ADGRL2: variants seen among roughly 807,000 people sequenced by gnomAD.
ADGRL2 encodes the protein calcium-independent alpha-latrotoxin receptor 2.
ADGRL2 carries 44 observed loss-of-function variants against 157.4 expected under a neutral mutation model. The ratio of observed to expected loss-of-function variants is 0.28; its 90% CI spans 0.22 to 0.36. The LOEUF is 0.36. Among genes scored for constraint, ADGRL2 ranks in the 10% least tolerant of loss-of-function variants. The probability of loss-of-function intolerance (pLI) is 1.00; values close to 1 mark genes in which losing one functional copy is unlikely to be tolerated. For synonymous variants in ADGRL2, 585 were observed against 624.7 expected, an observed-to-expected ratio of 0.94 and a Z score of 0.95; for missense variants, 1,510 against 1,768.9, an observed-to-expected ratio of 0.85 and a Z score of 2.63.
chr1:81,890,272 A>G (rs1240596445), intron 2 of ADGRL2, among the ~76,000 whole-genome samples: 1 of 152,228 alleles, frequency 6.6e-6, no homozygotes, highest in Non-Finnish European at 1.5e-5. Flanking sequence ...ACCAGATTTT[A>G]TATAGTGAAT....
intron 1 of ADGRL2, among the ~76,000 whole-genome samples, chr1:81,394,336 C>T (rs1006956997): frequency 5.3e-5 from 8 of 152,068 alleles, no homozygotes; most frequent in South Asian, 2.1e-4. Flanking sequence ...ATTTTGCCTC[C>T]ATTAAACAAA....
intron 1 of ADGRL2, among the ~76,000 whole-genome samples, chr1:81,318,494 C>T (rs1387230066): frequency 1.3e-5 from 2 of 152,116 alleles, no homozygotes; most frequent in African/African-American, 4.8e-5. Context: ...TAATAGCAAT[C>T]TTACATGGTT....
At chr1:81,605,037 T>A (rs2081405726) in intron 3 of ADGRL2, among the ~76,000 whole-genome samples, 1 of 152,118 alleles carries the variant, frequency 6.6e-6, no homozygotes. Context: ...ATAGCTCAGG[T>A]CTTTTCTCTC....
At chr1:81,852,047 C>T (rs568738894) in intron 2 of ADGRL2, among the ~76,000 whole-genome samples, 1 of 151,948 alleles carries the variant, frequency 6.6e-6, no homozygotes, top group South Asian at 2.1e-4. Context: ...AAAATGTTTG[C>T]TCAGTAAACG....
intron 1 of ADGRL2, among the ~76,000 whole-genome samples, chr1:81,751,324 C>T (rs574984895): frequency 1.3e-5 from 2 of 152,270 alleles, no homozygotes; most frequent in East Asian, 3.9e-4. Flanking sequence ...ACAGTCATCA[C>T]CTTAATCATG....
At chr1:81,709,694 C>T (rs1421682767) in intron 1 of ADGRL2, among the ~76,000 whole-genome samples, 1 of 151,934 alleles carries the variant, frequency 6.6e-6, no homozygotes, top group Non-Finnish European at 1.5e-5. Context: ...TTTTTCTGCC[C>T]ATCCATCTCT....
At chr1:81,814,749 A>G (rs2149726014) in intron 1 of ADGRL2, among the ~76,000 whole-genome samples, 1 of 151,592 alleles carries the variant, frequency 6.6e-6, no homozygotes, top group East Asian at 1.9e-4. Context: ...ATCTTAACAA[A>G]GGTATAAAAA....
intron 1 of ADGRL2, among the ~76,000 whole-genome samples, chr1:81,377,520 G>T (rs772311588): frequency 2.0e-5 from 3 of 151,988 alleles, no homozygotes; most frequent in Non-Finnish European, 2.9e-5. Context: ...AACTAAGAAG[G>T]CAGGAAAGGT....
Position 81,723,023 on chromosome 1 carries a change from G to A in ADGRL2, c.-143+23215G>A, listed in dbSNP as rs1401950477. On this transcript the variant is annotated intron_variant, in intron 1 of 20. Coordinates refer to the ADGRL2 transcript ENST00000359929. ...GTCAAAATACCACAGCAACCCAAAG[G>A]TTATGAATCTTATCAGTAAATTGTC... 7 of 773,594 alleles carry A rather than the reference G, an allele frequency of 9.0e-6. No individual in the cohort carries two copies. In the East Asian group the frequency reaches 1.7e-4, roughly 19 times the overall value. The allele number at this position is 773,594 out of a possible 1,614,324, so 47.9% of individuals were successfully genotyped here. A position where few individuals can be genotyped will look rare whatever the true frequency, so the allele number is the denominator to read the frequency against.
chr1:81,886,203 G>C (rs1295539305), intron 2 of ADGRL2, among the ~76,000 whole-genome samples: 3 of 152,086 alleles, frequency 2.0e-5, no homozygotes, highest in African/African-American at 7.2e-5. Flanking sequence ...ACAAAGTCTT[G>C]CTTTTGTCAC....
At chr1:81,800,888 G>T (rs925642697), upstream of ADGRL2, among the ~76,000 whole-genome samples, 9 of 149,884 alleles carry the variant, frequency 6.0e-5, no homozygotes, top group South Asian at 1.5e-3. Flanking sequence ...GGGAGAGAAG[G>T]GGAGGGGCGC....
chr1:81,903,737 T>G, intron 2 of ADGRL2, among the ~76,000 whole-genome samples: 1 of 143,382 alleles, frequency 7.0e-6, no homozygotes, highest in Non-Finnish European at 1.5e-5. Flanking sequence ...ATACATTATA[T>G]ATACACATTA....
chr1:81,938,570 T>G (rs2148887691), intron 4 of ADGRL2, among the ~76,000 whole-genome samples: 1 of 151,870 alleles, frequency 6.6e-6, no homozygotes, highest in Non-Finnish European at 1.5e-5. Flanking sequence ...TTGTTCCTTT[T>G]AGTTTTTGTC....
rs1309217099 is a variant in ADGRL2 at position 81,821,206 on chromosome 1, C to T, written c.-100-15679C>T. Among the ~76,000 whole-genome samples the T allele has an allele frequency of 9.2e-5, 14 of 152,184 alleles. No homozygotes were observed. In the East Asian group the frequency reaches 1.4e-3, roughly 15 times the overall value. ...TTTTTAATGTTTATAAGATAAAATA[C>T]GTAAAGAAAGTTTTGACAATCTTAA... On this transcript the variant is annotated intron_variant, in intron 1 of 23. Coordinates refer to ENST00000686636, the MANE Select transcript of ADGRL2 (RefSeq NM_001366006.2).
intron 1 of ADGRL2, among the ~76,000 whole-genome samples, chr1:81,443,328 A>T (rs1041435142): frequency 1.3e-5 from 2 of 151,988 alleles, no homozygotes; most frequent in African/African-American, 4.8e-5. Flanking sequence ...AGGCTGAGGC[A>T]GGAGAATCAC....
At chr1:81,862,074 T>G (rs1557795279) in intron 2 of ADGRL2, among the ~76,000 whole-genome samples, 1 of 152,292 alleles carries the variant, frequency 6.6e-6, no homozygotes, top group South Asian at 2.1e-4. Context: ...GCTGGAATTT[T>G]GTTTTGCTTG....
At chr1:81,539,060 T>C (rs1320551841) in intron 2 of ADGRL2, among the ~76,000 whole-genome samples, 1 of 151,918 alleles carries the variant, frequency 6.6e-6, no homozygotes, top group African/African-American at 2.4e-5. Context: ...AATATACTTT[T>C]CTGGAAAAAT....
At chr1:81,514,804 G>T (rs1233371608) in intron 2 of ADGRL2, 1 of 152,020 alleles carries the variant, frequency 6.6e-6, no homozygotes, top group African/African-American at 2.4e-5. Context: ...TTCTGCATCG[G>T]GCATTAAATT....
chr1:81,506,594 C>T (rs2078980394), intron 2 of ADGRL2, among the ~76,000 whole-genome samples: 1 of 152,072 alleles, frequency 6.6e-6, no homozygotes, highest in Non-Finnish European at 1.5e-5. Context: ...CCTGTGGTCT[C>T]AGCTACTCAG....
Sources: allele counts gnomAD v4.1 joint callset (sites outside exome capture counted in the v4.1 genomes callset), GRCh38; gene constraint gnomAD v4.1.1; transcripts MANE v1.5; gene names NCBI Gene and HGNC (gene_info 2026-07-23, HGNC 2026-07-21).